Variants in RASGRP3 observed in about 807,000 individuals in gnomAD.
RASGRP3 encodes RAS guanyl releasing protein 3.
Under a neutral mutation model 82.7 loss-of-function variants are expected in RASGRP3, and 54 were observed. The ratio of observed to expected loss-of-function variants is 0.65; its 90% CI spans 0.52 to 0.82. RASGRP3 has a LOEUF of 0.82. Ranked by LOEUF, RASGRP3 falls within the 40% of genes least tolerant of loss-of-function variation. RASGRP3 has a pLI of 0.00. For synonymous variants in RASGRP3, 309 were observed against 300.5 expected (o/e 1.03, Z -0.29); for missense variants, 861 against 828.9 (o/e 1.04, Z -0.48).
intron 13 of RASGRP3, among the ~76,000 whole-genome samples, chr2:33,548,748 C>A (rs1477466773): frequency 2.0e-5 from 3 of 152,014 alleles, no homozygotes; most frequent in African/African-American, 7.2e-5. Flanking sequence ...ACTCTGTTGC[C>A]CAGGCTGGAG....
upstream of RASGRP3, among the ~76,000 whole-genome samples, chr2:33,473,593 G>A (rs1383990600): frequency 3.3e-5 from 5 of 152,144 alleles, no homozygotes; most frequent in Admixed American, 6.5e-5. Context: ...TTCTTGAGTC[G>A]AAGACAATGC....
intron 2 of RASGRP3, among the ~76,000 whole-genome samples, chr2:33,471,341 A>AT (rs70940204): frequency 0.46 from 49,377 of 106,840 alleles, 12,881 homozygotes; most frequent in Non-Finnish European, 0.55. Flanking sequence ...ACACTGGGCT[A>AT]TTTTTTTTTT....
chr2:33,520,019 A>C lies in RASGRP3; in HGVS notation c.236+5A>C, dbSNP rs918818174. On this transcript the variant is annotated splice_donor_5th_base_variant and intron_variant, in intron 5 of 17. Coordinates refer to ENST00000403687, the MANE Select transcript of RASGRP3 (RefSeq NM_001139488.2). ...AAAGATCTGCTACTTCATGAGGTAAATATATTTACAAATTTAATTTCTTGT... is the reference window on the plus strand; with the variant it reads ...AAAGATCTGCTACTTCATGAGGTAACTATATTTACAAATTTAATTTCTTGT... The C allele has an allele frequency of 3.2e-6, 5 of 1,586,696 alleles. No individual in the cohort carries two copies. In the African/African-American group the frequency reaches 6.7e-5, roughly 21 times the overall value.
rs1047162545 is a variant in RASGRP3, at chr2:33,455,644, G to A, written c.-261+7701G>A. 9.9e-5 allele frequency among the ~76,000 whole-genome samples: 15 copies of A among 152,254 alleles called. 1 individual carries two copies. The highest frequency in any genetic ancestry group is 3.1e-4 in the African/African-American group (13 of 41,470). ...CGAGGAGCCATGTGGCCTACTTTTG[G>A]AATAAGACTGAAGGATTAACTTCTG... On this transcript the variant is annotated intron_variant, in intron 2 of 18. Transcript: ENST00000402538.
chr2:33,449,074 A>T (rs1197388558), intron 2 of RASGRP3, among the ~76,000 whole-genome samples: 2 of 152,194 alleles, frequency 1.3e-5, no homozygotes, highest in Non-Finnish European at 2.9e-5. Flanking sequence ...GTATAACATG[A>T]TTACTCTCTG....
intron 2 of RASGRP3, among the ~76,000 whole-genome samples, chr2:33,462,897 A>G (rs984467687): frequency 5.3e-5 from 8 of 152,254 alleles, no homozygotes; most frequent in African/African-American, 1.9e-4. Flanking sequence ...TTCTCCTTAT[A>G]GTATTCTCTG....
At chr2:33,473,000 A>G (rs1009956514), upstream of RASGRP3, among the ~76,000 whole-genome samples, 4 of 151,984 alleles carry the variant, frequency 2.6e-5, no homozygotes, top group African/African-American at 7.2e-5. Context: ...GGGATGTGAG[A>G]TGGTGAAGAC....
chr2:33,556,231 C>CTTTTTTTTTTTT (rs573022728), intron 15 of RASGRP3, among the ~76,000 whole-genome samples: 28 of 57,492 alleles, frequency 4.9e-4, no homozygotes, highest in East Asian at 2.6e-3. Context: ...TTCTAATAAT[C>CTTTTTTTTTTTT]TTTTTTTTTT....
chr2:33,492,968 T>C (rs1411963773), intron 1 of RASGRP3: 1 of 152,184 alleles, frequency 6.6e-6, no homozygotes, highest in African/African-American at 2.4e-5. Flanking sequence ...TGCCCAGGCT[T>C]CATGAGTCTG....
chr2:33,504,667 G>A (rs930006714), intron 1 of RASGRP3, among the ~76,000 whole-genome samples: 2 of 152,162 alleles, frequency 1.3e-5, no homozygotes, highest in Non-Finnish European at 2.9e-5. Flanking sequence ...TAGAGTGATG[G>A]TAGTTTAGGA....
chr2:33,559,106 C>A, intron 17 of RASGRP3, 76 bp downstream of exon 17: 1 of 1,246,926 alleles, frequency 8.0e-7, no homozygotes, highest in South Asian at 1.6e-5. Context: ...TACAGAGGGT[C>A]TGGGGGGCAG....
Position 33,457,189 on chromosome 2 carries a change from G to A in RASGRP3, c.-261+9246G>A, listed in dbSNP as rs746648626. 4.6e-5 allele frequency among the ~76,000 whole-genome samples: 7 copies of A among 152,046 alleles called. No homozygotes were observed. The East Asian group carries it at 7.7e-4, about 17-fold the overall frequency. On this transcript the variant is annotated intron_variant, in intron 2 of 18. Transcript: ENST00000402538. ...CCGGACCGCTAAGTGCTTTCTTCAC[G>A]CTAATTATTTCCCATTGTTTTCTTC...
chr2:33,452,314 T>C (rs1225792047), intron 2 of RASGRP3, among the ~76,000 whole-genome samples: 1 of 152,198 alleles, frequency 6.6e-6, no homozygotes, highest in Non-Finnish European at 1.5e-5. Flanking sequence ...TATATTGATG[T>C]CTATGCATAT....
intron 2 of RASGRP3, among the ~76,000 whole-genome samples, chr2:33,465,696 G>A (rs2150906429): frequency 6.6e-6 from 1 of 152,330 alleles, no homozygotes; most frequent in South Asian, 2.1e-4. Flanking sequence ...GGAAGAAGAT[G>A]TCATCTAGGA....
chr2:33,541,663 C>A (rs2151074317), intron 12 of RASGRP3, among the ~76,000 whole-genome samples: 1 of 147,012 alleles, frequency 6.8e-6, no homozygotes, highest in African/African-American at 2.4e-5. Context: ...ATGTATTGAC[C>A]ATTTGTATTT....
Position 33,515,473 on chromosome 2 carries a change from A to T in RASGRP3, c.70+267A>T, listed in dbSNP as rs117391604. Among the ~76,000 whole-genome samples the T allele has an allele frequency of 4.7e-4, 71 of 152,226 alleles. No individual in the cohort carries two copies. The East Asian group carries it at 0.012, about 26-fold the overall frequency. ...CTTTCTACCACCATCCATTGGTCAT[A>T]TTCCCTTCACTGAAATTCTGCTTCA... On this transcript the variant is annotated intron_variant, in intron 3 of 17. Transcript: ENST00000403687.
At chr2:33,539,650 C>T (rs4286255) in intron 12 of RASGRP3, 123,097 of 152,830 alleles carry the variant, frequency 0.81, 49,760 homozygotes, top group African/African-American at 0.88. Flanking sequence ...CCCGATGTTA[C>T]TGAGATTAGA....
chr2:33,503,863 A>T (rs1160725556), intron 1 of RASGRP3, among the ~76,000 whole-genome samples: 1 of 152,208 alleles, frequency 6.6e-6, no homozygotes, highest in Non-Finnish European at 1.5e-5. Context: ...CTATTTATTA[A>T]AGCTTATCAC....
At chr2:33,558,402 A>T in intron 16 of RASGRP3, 66 bp downstream of exon 16, 1 of 1,607,960 alleles carries the variant, frequency 6.2e-7, no homozygotes, top group Non-Finnish European at 8.5e-7. Context: ...CTTGGACCTC[A>T]TTTAGGTTCT....
Sources: allele counts gnomAD v4.1 joint callset (sites outside exome capture counted in the v4.1 genomes callset), GRCh38; gene constraint gnomAD v4.1.1; transcripts MANE v1.5; gene names NCBI Gene and HGNC (gene_info 2026-07-23, HGNC 2026-07-21).